Variants in OXR1 observed in about 807,000 individuals in gnomAD.
The protein encoded by OXR1 is oxidation resistance protein 1.
OXR1 carries 41 observed loss-of-function variants against 104.6 expected under a neutral mutation model. That is an observed-to-expected ratio of 0.39 (90% CI 0.31 to 0.51). The LOEUF is 0.51. Among genes scored for constraint, OXR1 ranks in the 20% least tolerant of loss-of-function variants. The pLI, the probability that OXR1 is intolerant of heterozygous loss-of-function variation, is 0.77. For missense variants in OXR1, 955 were observed against 1,031.9 expected, an observed-to-expected ratio of 0.93 and a Z score of 1.02; for synonymous variants, 348 against 348.4, an observed-to-expected ratio of 1.00 and a Z score of 0.01.
rs145814106 is a variant in OXR1 at position 106,441,352 on chromosome 8, G to T, written c.24-77591G>T. On this transcript the variant is annotated intron_variant, in intron 2 of 16. Transcript: ENST00000517566. ...AGTATAGTTTGAAGTCAGGTGGCAT[G>T]ATGCCTCCAGCTTTGCTCTTTTTGC... 2.8e-3 allele frequency among the ~76,000 whole-genome samples: 426 copies of T among 152,312 alleles called. 1 individual carries two copies. Among genetic ancestry groups the T allele is most frequent in the Non-Finnish European group, 4.6e-3 (314 of 68,026 alleles).
At chr8:106,748,174 AT>A (rs1285421174) in intron 16 of OXR1, among the ~76,000 whole-genome samples, 6 of 152,300 alleles carry the variant, frequency 3.9e-5, no homozygotes. Flanking sequence ...TTATCTCTGT[AT>A]TTTCCAGTGC....
intron 3 of OXR1, among the ~76,000 whole-genome samples, chr8:106,670,640 A>G (rs1826845390): frequency 6.6e-6 from 1 of 152,154 alleles, no homozygotes; most frequent in Non-Finnish European, 1.5e-5. Context: ...AGATGGATTT[A>G]GCAGCAAATT....
At chr8:106,303,782 G>A (rs936414066) in intron 1 of OXR1, among the ~76,000 whole-genome samples, 2 of 152,012 alleles carry the variant, frequency 1.3e-5, no homozygotes, top group Non-Finnish European at 2.9e-5. Context: ...ATACCCTTCA[G>A]GTAAGTATAT....
At chr8:106,430,655 C>T (rs1255149930) in intron 2 of OXR1, among the ~76,000 whole-genome samples, 1 of 152,178 alleles carries the variant, frequency 6.6e-6, no homozygotes, top group African/African-American at 2.4e-5. Flanking sequence ...CTATCATGGT[C>T]TTCCAGTTGC....
intron 2 of OXR1, among the ~76,000 whole-genome samples, chr8:106,502,176 T>A (rs1456358153): frequency 6.6e-6 from 1 of 152,190 alleles, no homozygotes; most frequent in African/African-American, 2.4e-5. Context: ...CCATGCAGCT[T>A]CCCAGGGCCT....
intron 1 of OXR1, among the ~76,000 whole-genome samples, chr8:106,281,502 G>C (rs1347757046): frequency 6.6e-6 from 1 of 152,150 alleles, no homozygotes; most frequent in East Asian, 1.9e-4. Context: ...ATGTTTGGAA[G>C]TAGATTAAGA....
chr8:106,685,718 G>A (rs2131253338), intron 6 of OXR1, among the ~76,000 whole-genome samples: 1 of 150,892 alleles, frequency 6.6e-6, no homozygotes, highest in South Asian at 2.1e-4. Flanking sequence ...AAAGAGGTGA[G>A]AGATTCCTTA....
At chr8:106,351,682 G>A (rs779561336) in intron 1 of OXR1, among the ~76,000 whole-genome samples, 2 of 152,164 alleles carry the variant, frequency 1.3e-5, no homozygotes, top group Non-Finnish European at 2.9e-5. Context: ...ACCATCTCAG[G>A]GAACTGATAC....
At chr8:106,495,897 GTGA>G (rs1041342683) in intron 2 of OXR1, among the ~76,000 whole-genome samples, 4 of 152,058 alleles carry the variant, frequency 2.6e-5, no homozygotes, top group African/African-American at 9.7e-5. Context: ...CCTTCATATA[GTGA>G]TGAGCACAGA....
chr8:106,501,133 C>G (rs1411576078), intron 2 of OXR1, among the ~76,000 whole-genome samples: 2 of 152,134 alleles, frequency 1.3e-5, no homozygotes, highest in African/African-American at 4.8e-5. Flanking sequence ...ACAACTGCTT[C>G]TTTGTTGTTT....
intron 3 of OXR1, among the ~76,000 whole-genome samples, chr8:106,627,001 A>T (rs539740455): frequency 6.6e-6 from 1 of 152,180 alleles, no homozygotes; most frequent in Non-Finnish European, 1.5e-5. Flanking sequence ...TTTTCTCCGT[A>T]GTTAACCTCT....
At chr8:106,718,457 T>A (rs998447476) in intron 11 of OXR1, among the ~76,000 whole-genome samples, 25 of 152,354 alleles carry the variant, frequency 1.6e-4, no homozygotes, top group African/African-American at 6.0e-4. Flanking sequence ...ATAAAGGATC[T>A]GAGAAATACT....
chr8:106,706,550 A>G lies in OXR1; in HGVS notation c.1029A>G (p.Glu343=), dbSNP rs749749541. The G allele has an allele frequency of 6.2e-7, 1 of 1,610,534 alleles. No homozygotes were observed. Among genetic ancestry groups the G allele is most frequent in the Non-Finnish European group, 8.5e-7 (1 of 1,179,102 alleles). The change falls in exon 9 of 17, where the codon GAA becomes GAG. Residue 343 remains glutamate (E), a synonymous_variant. Coordinates refer to ENST00000517566, the MANE Select transcript of OXR1 (RefSeq NM_001198533.2). ...SLSEDVFTES[E]LSPIREELVS... is the part of the protein sequence containing the mutation. ...CTGAAGATGTGTTCACAGAATCAGA[A>G]CTTTCCCCTATACGAGAGGAGCTTG...
chr8:106,503,187 C>T (rs1811922730), intron 2 of OXR1, among the ~76,000 whole-genome samples: 1 of 152,070 alleles, frequency 6.6e-6, no homozygotes, highest in African/African-American at 2.4e-5. Context: ...TGTCTCTCTT[C>T]CATTTACACC....
At chr8:106,630,107 G>A (rs1822537382) in intron 3 of OXR1, among the ~76,000 whole-genome samples, 1 of 152,090 alleles carries the variant, frequency 6.6e-6, no homozygotes, top group Non-Finnish European at 1.5e-5. Flanking sequence ...TTGTGGCTTA[G>A]CTTTCTCTGT....
At chr8:106,531,747 G>C (rs1814110090) in intron 3 of OXR1, among the ~76,000 whole-genome samples, 1 of 152,116 alleles carries the variant, frequency 6.6e-6, no homozygotes, top group African/African-American at 2.4e-5. Flanking sequence ...TTTACTCTAA[G>C]TAAAGAAAAA....
At chr8:106,615,020 T>G (rs1821102839) in intron 3 of OXR1, among the ~76,000 whole-genome samples, 1 of 152,192 alleles carries the variant, frequency 6.6e-6, no homozygotes, top group African/African-American at 2.4e-5. Context: ...TTACATGAAG[T>G]CTTGCTTTAA....
chr8:106,535,166 T>C (rs1031904001), intron 3 of OXR1, among the ~76,000 whole-genome samples: 1 of 152,068 alleles, frequency 6.6e-6, no homozygotes, highest in Non-Finnish European at 1.5e-5. Context: ...GGTTTCACTG[T>C]TTTTGCCAGG....
chr8:106,455,946 A>T (rs1339034415), intron 2 of OXR1, among the ~76,000 whole-genome samples: 1 of 152,220 alleles, frequency 6.6e-6, no homozygotes, highest in Non-Finnish European at 1.5e-5. Context: ...ACTTTAAAAA[A>T]TATTTTCTAT....
Sources: gnomAD v4.1 joint callset for allele counts (sites outside exome capture counted in the v4.1 genomes callset) on GRCh38, gnomAD v4.1.1 for gene constraint, MANE v1.5 for transcripts, NCBI Gene and HGNC (gene_info 2026-07-23, HGNC 2026-07-21) for gene names.